Variants in FOXJ3 observed in about 807,000 individuals in gnomAD.
FOXJ3 encodes the protein forkhead box protein J3.
Under a neutral mutation model 76.1 loss-of-function variants are expected in FOXJ3, and 22 were observed. The ratio of observed to expected loss-of-function variants is 0.29; its 90% CI spans 0.21 to 0.41. The LOEUF (loss-of-function observed/expected upper bound fraction) is 0.41. Ranked by LOEUF, FOXJ3 falls within the 10% of genes least tolerant of loss-of-function variation. The pLI is 1.00. For missense variants in FOXJ3, 613 were observed against 762.1 expected (o/e 0.80, Z 2.30); for synonymous variants, 269 against 261.2 (o/e 1.03, Z -0.29).
At chr1:42,231,529 G>A (rs1441428583) in intron 4 of FOXJ3, among the ~76,000 whole-genome samples, 2 of 152,132 alleles carry the variant, frequency 1.3e-5, no homozygotes, top group African/African-American at 2.4e-5. Flanking sequence ...GTGGGAAGAT[G>A]AAAACGTTCT....
chr1:42,308,906 T>C (rs1466474082), intron 2 of FOXJ3, among the ~76,000 whole-genome samples: 1 of 149,810 alleles, frequency 6.7e-6, no homozygotes, highest in East Asian at 2.0e-4. Context: ...ATTACATTAA[T>C]ATATGAGTGT....
intron 10 of FOXJ3, 117 bp downstream of exon 10, chr1:42,189,186 C>G: frequency 1.3e-6 from 1 of 747,016 alleles, no homozygotes; most frequent in Non-Finnish European, 2.2e-6. Context: ...ATTTTACCAA[C>G]TGCAAAAGAA....
intron 6 of FOXJ3, among the ~76,000 whole-genome samples, chr1:42,201,762 T>A (rs116732820): frequency 0.016 from 2,370 of 152,304 alleles, 34 homozygotes; most frequent in Non-Finnish European, 0.021. Flanking sequence ...ACCTCTTTTT[T>A]AAAATTCTCC....
At chr1:42,220,628 A>T (rs537325275) in intron 5 of FOXJ3, among the ~76,000 whole-genome samples, 1 of 152,298 alleles carries the variant, frequency 6.6e-6, no homozygotes, top group East Asian at 1.9e-4. Flanking sequence ...AGCATCACTC[A>T]ATTAATGAGA....
chr1:42,296,214 G>A (rs769670635), intron 2 of FOXJ3, among the ~76,000 whole-genome samples: 14 of 152,126 alleles, frequency 9.2e-5, no homozygotes, highest in East Asian at 1.9e-4. Context: ...TTAGAGTTCC[G>A]TGTAGATTCT....
intron 4 of FOXJ3, among the ~76,000 whole-genome samples, chr1:42,228,207 C>G (rs1412034498): frequency 6.6e-6 from 1 of 151,918 alleles, no homozygotes; most frequent in Admixed American, 6.6e-5. Context: ...TTCTGCCACA[C>G]CAAAATTTAG....
chr1:42,287,733 G>C (rs1282376763), intron 2 of FOXJ3, among the ~76,000 whole-genome samples: 1 of 152,130 alleles, frequency 6.6e-6, no homozygotes, highest in Non-Finnish European at 1.5e-5. Flanking sequence ...GGAAGAGACG[G>C]GCAGATCGCT....
At position 42,294,371 on chromosome 1, in the gene FOXJ3, G is replaced by A. The variant is rs74341917; in HGVS notation, c.45-15699C>T. On this transcript the variant is annotated intron_variant, in intron 2 of 12. Coordinates refer to ENST00000361346, the MANE Select transcript of FOXJ3 (RefSeq NM_014947.5). ...ACAAATTAAAGGATCTGAACCAAGG[G>A]TGCTACCTGATTCAAGCTGTTTACC... Among the ~76,000 whole-genome samples the A allele has an allele frequency of 4.4e-3, 663 of 152,260 alleles. 7 individuals are homozygous for A. Among genetic ancestry groups the A allele is most frequent in the African/African-American group, 0.015 (642 of 41,552 alleles).
At chr1:42,243,596 C>CA (rs1265616008) in intron 4 of FOXJ3, among the ~76,000 whole-genome samples, 1 of 152,064 alleles carries the variant, frequency 6.6e-6, no homozygotes, top group Non-Finnish European at 1.5e-5. Context: ...TCCACACAAA[C>CA]AGTAACCAAG....
intron 11 of FOXJ3, among the ~76,000 whole-genome samples, chr1:42,187,437 C>A (rs1375120184): frequency 6.6e-6 from 1 of 152,072 alleles, no homozygotes; most frequent in East Asian, 1.9e-4. Context: ...GGTGGTACAC[C>A]TGGTCTAAGG....
chr1:42,302,929 T>A (rs1654244951), intron 2 of FOXJ3, among the ~76,000 whole-genome samples: 1 of 150,748 alleles, frequency 6.6e-6, no homozygotes, highest in South Asian at 2.1e-4. Flanking sequence ...TGTCTTTTGC[T>A]AACAAAAGAG....
At chr1:42,283,564 G>T (rs1652865553) in intron 2 of FOXJ3, among the ~76,000 whole-genome samples, 1 of 152,154 alleles carries the variant, frequency 6.6e-6, no homozygotes, top group South Asian at 2.1e-4. Context: ...AAAAGAATAA[G>T]AATAATGAGG....
intron 4 of FOXJ3, among the ~76,000 whole-genome samples, chr1:42,245,072 C>T (rs533279960): frequency 2.7e-5 from 4 of 150,464 alleles, no homozygotes; most frequent in South Asian, 2.1e-4. Flanking sequence ...CCCAGCTACT[C>T]AGAAGGTTGA....
intron 2 of FOXJ3, among the ~76,000 whole-genome samples, chr1:42,281,563 C>T (rs963095463): frequency 6.6e-6 from 1 of 152,166 alleles, no homozygotes; most frequent in Non-Finnish European, 1.5e-5. Context: ...ACTATAAAAA[C>T]ATCTCAAATT....
At chr1:42,313,822 A>G (rs185136343) in intron 1 of FOXJ3, among the ~76,000 whole-genome samples, 1 of 152,298 alleles carries the variant, frequency 6.6e-6, no homozygotes, top group East Asian at 1.9e-4. Flanking sequence ...AAAAAAAATT[A>G]CTAGACATAC....
At chr1:42,283,177 G>A (rs554554599) in intron 2 of FOXJ3, among the ~76,000 whole-genome samples, 6 of 152,304 alleles carry the variant, frequency 3.9e-5, no homozygotes, top group Non-Finnish European at 2.9e-5. Flanking sequence ...AAGATGAAAA[G>A]CATATACTGT....
intron 5 of FOXJ3, among the ~76,000 whole-genome samples, chr1:42,206,447 C>T (rs984600097): frequency 1.3e-5 from 2 of 152,124 alleles, no homozygotes; most frequent in African/African-American, 2.4e-5. Context: ...GGGAAAATAC[C>T]GGAAAAACAG....
At chr1:42,255,644 A>G (rs1650525043) in intron 4 of FOXJ3, among the ~76,000 whole-genome samples, 1 of 152,232 alleles carries the variant, frequency 6.6e-6, no homozygotes, top group South Asian at 2.1e-4. Flanking sequence ...AAATACTGGA[A>G]AAAGATACAC....
chr1:42,213,731 C>T (rs895030415), intron 5 of FOXJ3, among the ~76,000 whole-genome samples: 4 of 152,044 alleles, frequency 2.6e-5, no homozygotes, highest in Admixed American at 2.6e-4. Flanking sequence ...TATAATTTCA[C>T]TTACATGTGG....
Sources: allele counts gnomAD v4.1 joint callset (sites outside exome capture counted in the v4.1 genomes callset), GRCh38; gene constraint gnomAD v4.1.1; transcripts MANE v1.5; gene names NCBI Gene and HGNC (gene_info 2026-07-23, HGNC 2026-07-21).